Variants in PDZRN3 observed in about 807,000 individuals in gnomAD.
The protein encoded by PDZRN3 is E3 ubiquitin-protein ligase PDZRN3.
PDZRN3 carries 38 observed loss-of-function variants against 85.7 expected under a neutral mutation model. The ratio of observed to expected loss-of-function variants is 0.44; its 90% CI spans 0.34 to 0.58. PDZRN3 has a LOEUF of 0.58. Among genes scored for constraint, PDZRN3 ranks in the 20% least tolerant of loss-of-function variants. The probability of loss-of-function intolerance (pLI) is 0.01; values close to 1 mark genes in which losing one functional copy is unlikely to be tolerated. For synonymous variants in PDZRN3, 759 were observed against 638.0 expected (o/e 1.19, Z -2.86); for missense variants, 1,629 against 1,506.4 (o/e 1.08, Z -1.35).
intron 3 of PDZRN3, among the ~76,000 whole-genome samples, chr3:73,511,282 C>CA (rs1210029426): frequency 1.3e-5 from 2 of 152,150 alleles, no homozygotes; most frequent in African/African-American, 4.8e-5. Flanking sequence ...AGGCTCCCGC[C>CA]AACCCAAAAA....
At chr3:73,469,588 C>G (rs935977120) in intron 3 of PDZRN3, among the ~76,000 whole-genome samples, 17 of 152,186 alleles carry the variant, frequency 1.1e-4, no homozygotes, top group African/African-American at 4.1e-4. Context: ...AAGCTTTTGG[C>G]CAACTCACGT....
chr3:73,384,081 G>T lies in PDZRN3; in HGVS notation c.2485C>A (p.Leu829Met). The change falls in exon 10 of 10, where the codon CTG becomes ATG. Residue 829 changes from leucine (L) to methionine (M), a missense_variant. Transcript: ENST00000263666. ...TPTYSPSLKE[L>M]DPNQPLESKE... ...CTTTCCAGGGGCTGGTTGGGGTCCA[G>T]CTCCTTCAGGGACGGGCTATAGGTA... The T allele has an allele frequency of 1.2e-6, 2 of 1,612,840 alleles. No homozygotes were observed. Among genetic ancestry groups the T allele is most frequent in the Non-Finnish European group, 1.7e-6 (2 of 1,179,618 alleles).
Position 73,624,718 on chromosome 3 carries a change from G to T in PDZRN3, c.108C>A (p.Val36=). 6.5e-7 allele frequency: 1 copy of T among 1,530,802 alleles called. No individual in the cohort carries two copies. 94.8% of individuals were successfully genotyped at this position (1,530,802 alleles called of 1,614,324 possible). A position where few individuals can be genotyped will look rare whatever the true frequency, so the allele number is the denominator to read the frequency against. ...EDPLTTPCGH[V]FCAGCVLPWV... The stretch of plus-strand genomic sequence containing the variant: ...AGGGCAGCACGCAGCCGGCGCAGAA[G>T]ACGTGGCCGCACGGCGTGGTCAGCG... Residue 36 remains valine (V), a synonymous_variant, in exon 1 of 10, where the codon GTC becomes GTA. Transcript: ENST00000263666.
intron 3 of PDZRN3, among the ~76,000 whole-genome samples, chr3:73,484,329 G>A (rs569900084): frequency 3.3e-5 from 5 of 152,160 alleles, no homozygotes; most frequent in Non-Finnish European, 7.3e-5. Context: ...TGGAGCAGAC[G>A]CATGGGTGAT....
rs1702281540 is a variant in PDZRN3, at chr3:73,424,912, TTC to T, written c.919-20519_919-20518del. ...GGCAGGGATGTGAAGCAACACGAACTTCTCTACCATAATGATGGAAAGCAATT... is the reference window on the plus strand; with the variant it reads ...GGCAGGGATGTGAAGCAACACGAACTTCTACCATAATGATGGAAAGCAATT... On this transcript the variant is annotated intron_variant, in intron 3 of 9. Transcript: ENST00000263666. Among the ~76,000 whole-genome samples, 6 of 152,170 alleles carry T rather than the reference TTC, an allele frequency of 3.9e-5. No individual in the cohort carries two copies. In the South Asian group the frequency reaches 1.2e-3, roughly 32 times the overall value.
chr3:73,561,853 T>C (rs1337842742), intron 3 of PDZRN3, among the ~76,000 whole-genome samples: 1 of 151,996 alleles, frequency 6.6e-6, no homozygotes, highest in Non-Finnish European at 1.5e-5. Context: ...CGATTTTTAC[T>C]GTGATTTGAA....
At chr3:73,586,753 TCTC>T (rs956996053) in intron 3 of PDZRN3, among the ~76,000 whole-genome samples, 5 of 152,036 alleles carry the variant, frequency 3.3e-5, no homozygotes, top group African/African-American at 1.2e-4. Flanking sequence ...CTGATACAAA[TCTC>T]CTCAACTGGA....
At chr3:73,609,727 T>C (rs1702654344) in intron 1 of PDZRN3, among the ~76,000 whole-genome samples, 1 of 152,240 alleles carries the variant, frequency 6.6e-6, no homozygotes. Context: ...AGAGAGATTT[T>C]ACTCTGACAT....
chr3:73,479,053 G>A (rs1279598848), intron 3 of PDZRN3, among the ~76,000 whole-genome samples: 2 of 152,186 alleles, frequency 1.3e-5, no homozygotes, highest in Non-Finnish European at 2.9e-5. Context: ...TATCAAGACT[G>A]ACTTCCATGA....
At chr3:73,457,007 A>T (rs2106855832) in intron 3 of PDZRN3, among the ~76,000 whole-genome samples, 1 of 152,278 alleles carries the variant, frequency 6.6e-6, no homozygotes, top group Middle Eastern at 3.4e-3. Context: ...TGGTATGTTA[A>T]AACAAAATGC....
At chr3:73,579,844 GTA>G (rs564722489) in intron 3 of PDZRN3, among the ~76,000 whole-genome samples, 1 of 152,014 alleles carries the variant, frequency 6.6e-6, no homozygotes, top group East Asian at 1.9e-4. Flanking sequence ...GTGTGTGTGT[GTA>G]TATATATTTA....
At chr3:73,403,581 G>C (rs562012574) in intron 4 of PDZRN3, among the ~76,000 whole-genome samples, 1 of 152,280 alleles carries the variant, frequency 6.6e-6, no homozygotes, top group South Asian at 2.1e-4. Context: ...AGCCTCTGAA[G>C]GACTCTTTAT....
intron 3 of PDZRN3, among the ~76,000 whole-genome samples, chr3:73,583,303 T>C (rs552698730): frequency 2.0e-5 from 3 of 152,356 alleles, no homozygotes; most frequent in South Asian, 4.1e-4. Flanking sequence ...TTATCCACTA[T>C]ACATACTGCT....
intron 3 of PDZRN3, chr3:73,569,403 A>G (rs763371800): frequency 1.6e-5 from 19 of 1,169,200 alleles, no homozygotes; most frequent in Non-Finnish European, 1.9e-5. Flanking sequence ...ATACCTGTAC[A>G]AGAGTACATA....
intron 3 of PDZRN3, among the ~76,000 whole-genome samples, chr3:73,562,651 A>G (rs948163880): frequency 1.3e-5 from 2 of 152,052 alleles, no homozygotes; most frequent in Non-Finnish European, 2.9e-5. Flanking sequence ...ATGCTTCTGA[A>G]GCTTACATAA....
intron 1 of PDZRN3, chr3:73,623,798 G>A (rs547138651): frequency 9.0e-5 from 26 of 288,482 alleles, no homozygotes; most frequent in Non-Finnish European, 1.3e-4. Context: ...TTTTGACTCT[G>A]GAGCTGCATT....
chr3:73,617,517 T>G (rs931847479), intron 1 of PDZRN3, among the ~76,000 whole-genome samples: 1 of 152,298 alleles, frequency 6.6e-6, no homozygotes, highest in Non-Finnish European at 1.5e-5. Flanking sequence ...CAGTTTTACC[T>G]TTCTATCCAA....
At chr3:73,529,789 G>T (rs1481763602) in intron 3 of PDZRN3, among the ~76,000 whole-genome samples, 5 of 152,188 alleles carry the variant, frequency 3.3e-5, no homozygotes, top group Admixed American at 3.3e-4. Flanking sequence ...ACAAACATCA[G>T]CCAGGCTGGG....
At chr3:73,436,769 C>T (rs936507953) in intron 3 of PDZRN3, among the ~76,000 whole-genome samples, 5 of 151,992 alleles carry the variant, frequency 3.3e-5, no homozygotes, top group African/African-American at 4.8e-5. Flanking sequence ...GAGAACCGGC[C>T]GGGTGCAGTG....
Sources: gnomAD v4.1 joint callset for allele counts (sites outside exome capture counted in the v4.1 genomes callset) on GRCh38, gnomAD v4.1.1 for gene constraint, MANE v1.5 for transcripts, NCBI Gene and HGNC (gene_info 2026-07-23, HGNC 2026-07-21) for gene names.